CHST9: variants seen among roughly 807,000 people sequenced by gnomAD.
The protein encoded by CHST9 is GalNAc-4-sulfotransferase 2.
A neutral mutation model predicts 44.4 loss-of-function variants in CHST9; 41 were observed. That is an observed-to-expected ratio of 0.92 (90% CI 0.72 to 1.20). The LOEUF is 1.20. CHST9 is among the 50% of genes most tolerant of loss of function. The pLI is 0.00. For synonymous variants in CHST9, 171 were observed against 178.4 expected (o/e 0.96, Z 0.33); for missense variants, 504 against 516.5 (o/e 0.98, Z 0.23).
At chr18:27,060,076 C>G (rs1485809) in intron 2 of CHST9, among the ~76,000 whole-genome samples, 3 of 152,140 alleles carry the variant, frequency 2.0e-5, no homozygotes, top group African/African-American at 2.4e-5. Flanking sequence ...GGCTCCCCAC[C>G]ACTTGGGCAC....
chr18:26,950,937 C>T (rs2056238140), intron 4 of CHST9, among the ~76,000 whole-genome samples: 1 of 152,072 alleles, frequency 6.6e-6, no homozygotes, highest in African/African-American at 2.4e-5. Context: ...TGGGTCTTAT[C>T]CCTCCAGCTT....
intron 4 of CHST9, among the ~76,000 whole-genome samples, chr18:26,990,329 G>C (rs1297466321): frequency 6.6e-6 from 1 of 152,132 alleles, no homozygotes; most frequent in Admixed American, 6.5e-5. Context: ...AAAGCTAATG[G>C]CATAGAGCTG....
At chr18:27,055,298 C>T (rs983731208) in intron 2 of CHST9, among the ~76,000 whole-genome samples, 1 of 151,976 alleles carries the variant, frequency 6.6e-6, no homozygotes, top group Admixed American at 6.6e-5. Flanking sequence ...TTTTTAATAT[C>T]GTTTTTGTTT....
intron 2 of CHST9, among the ~76,000 whole-genome samples, chr18:27,138,081 C>G (rs2058532082): frequency 6.6e-6 from 1 of 152,190 alleles, no homozygotes; most frequent in East Asian, 1.9e-4. Flanking sequence ...TGTGCTGCTT[C>G]TCCTGCCTGC....
At position 26,916,846 on chromosome 18, in the gene CHST9, C is replaced by G. The variant is rs765895766; in HGVS notation, c.745G>C (p.Val249Leu). ...TTCTTCAAATGCTTCCCGTAGTGGA[C>G]AGCATTGTGGGAGATGTTGTATGCA... ...SSAYNISHNA[V>L]HYGKHLKKLD... The change falls in exon 6 of 6, where the codon GTC becomes CTC. Residue 249 changes from valine to leucine, a missense_variant. Val to Leu is a conservative substitution (Grantham distance 32). Coordinates refer to ENST00000618847, the MANE Select transcript of CHST9 (RefSeq NM_031422.6). 7 of 1,613,788 alleles carry G rather than the reference C, an allele frequency of 4.3e-6. No homozygotes were observed. Among genetic ancestry groups the G allele is most frequent in the South Asian group, 1.1e-5 (1 of 91,082 alleles).
In CHST9 at chr18:26,908,778, C is replaced by G. The variant is rs2055402560; in HGVS notation, c.*7481G>C. The G allele has an allele frequency of 6.6e-6, 1 of 152,128 alleles. No homozygotes were observed. The allele number at this position is 152,128 out of a possible 1,614,324, so 9.4% of individuals were successfully genotyped here. On this transcript the variant is annotated 3_prime_UTR_variant, in exon 6 of 6. Transcript: ENST00000618847. The stretch of plus-strand genomic sequence containing the variant: ...ATAGAAAGGCAAAAAGAGACAAATC[C>G]TTTAATGAAGTTCAAGAAAATATAC...
intron 2 of CHST9, among the ~76,000 whole-genome samples, chr18:27,051,785 C>T (rs1415256732): frequency 6.6e-6 from 1 of 152,200 alleles, no homozygotes; most frequent in African/African-American, 2.4e-5. Flanking sequence ...TTTTTAGCTG[C>T]TAAATCCTGA....
chr18:27,148,058 C>A (rs1295096067), intron 1 of CHST9, among the ~76,000 whole-genome samples: 1 of 151,970 alleles, frequency 6.6e-6, no homozygotes, highest in Non-Finnish European at 1.5e-5. Context: ...CTGTTCTCCT[C>A]TATGTGTCCA....
At chr18:27,106,437 C>T (rs1195109713) in intron 2 of CHST9, among the ~76,000 whole-genome samples, 2 of 152,092 alleles carry the variant, frequency 1.3e-5, no homozygotes, top group African/African-American at 4.8e-5. Flanking sequence ...GCCTACTAGC[C>T]CAACCAATTT....
intron 4 of CHST9, chr18:26,952,251 G>C: frequency 1.9e-6 from 1 of 526,916 alleles, no homozygotes; most frequent in Non-Finnish European, 3.8e-6. Context: ...ATCATCTGCT[G>C]GCCTGAGATC....
chr18:27,111,113 C>T (rs995533397), intron 2 of CHST9, among the ~76,000 whole-genome samples: 1 of 152,230 alleles, frequency 6.6e-6, no homozygotes, highest in Non-Finnish European at 1.5e-5. Context: ...CTCCCTGATG[C>T]TGCGGGGCTG....
At chr18:27,040,928 G>A (rs1175732449) in intron 3 of CHST9, among the ~76,000 whole-genome samples, 1 of 151,966 alleles carries the variant, frequency 6.6e-6, no homozygotes, top group African/African-American at 2.4e-5. Flanking sequence ...TTCTATTTCT[G>A]TGTGCATTTG....
At chr18:26,946,795 C>T (rs901417128) in intron 4 of CHST9, among the ~76,000 whole-genome samples, 11 of 147,792 alleles carry the variant, frequency 7.4e-5, no homozygotes, top group South Asian at 4.2e-4. Flanking sequence ...CCATTGCTTG[C>T]TTTTGTCAGG....
intron 3 of CHST9, among the ~76,000 whole-genome samples, chr18:27,025,102 T>G (rs139588620): frequency 0.014 from 2,052 of 148,062 alleles, 55 homozygotes; most frequent in African/African-American, 0.048. Context: ...TATTATAACA[T>G]ATATACTATA....
At chr18:27,079,079 G>A (rs923967438) in intron 2 of CHST9, among the ~76,000 whole-genome samples, 1 of 152,106 alleles carries the variant, frequency 6.6e-6, no homozygotes, top group Non-Finnish European at 1.5e-5. Flanking sequence ...CAATGAGTGG[G>A]CGTACTCTGA....
chr18:27,074,878 T>C (rs1044954803), intron 2 of CHST9, among the ~76,000 whole-genome samples: 6 of 148,036 alleles, frequency 4.1e-5, no homozygotes, highest in Admixed American at 6.8e-5. Flanking sequence ...TGTATATCTA[T>C]ATATCTAATA....
chr18:26,970,758 T>C (rs927124924), intron 4 of CHST9, among the ~76,000 whole-genome samples: 6 of 152,118 alleles, frequency 3.9e-5, no homozygotes, highest in Admixed American at 2.6e-4. Context: ...TGCCACCTCA[T>C]AAATAAGGAA....
intron 2 of CHST9, among the ~76,000 whole-genome samples, chr18:27,111,025 A>G (rs1320913953): frequency 1.3e-5 from 2 of 152,252 alleles, no homozygotes; most frequent in Admixed American, 6.5e-5. Context: ...TTTAAAGTCT[A>G]TCAGTGTGGC....
chr18:26,969,426 A>G (rs1423973444), intron 4 of CHST9, among the ~76,000 whole-genome samples: 2 of 151,608 alleles, frequency 1.3e-5, no homozygotes, highest in African/African-American at 4.9e-5. Flanking sequence ...TAATAAAAGG[A>G]TAGAAGTCTC....
Sources: gnomAD v4.1 joint callset for allele counts (sites outside exome capture counted in the v4.1 genomes callset) on GRCh38, gnomAD v4.1.1 for gene constraint, MANE v1.5 for transcripts, NCBI Gene and HGNC (gene_info 2026-07-23, HGNC 2026-07-21) for gene names.